Variants in MCC observed in about 807,000 individuals in gnomAD.
MCC encodes MCC regulator of Wnt signaling pathway.
MCC carries 90 observed loss-of-function variants against 116.2 expected under a neutral mutation model. The observed-to-expected ratio is 0.77, with a 90% CI of 0.65 to 0.92. The LOEUF (loss-of-function observed/expected upper bound fraction) is 0.92, where lower values mean the gene tolerates loss of function less well. Among genes scored for constraint, MCC ranks in the 40% least tolerant of loss-of-function variants. The pLI is 0.00. For synonymous variants in MCC, 578 were observed against 510.5 expected, an observed-to-expected ratio of 1.13 and a Z score of -1.78; for missense variants, 1,516 against 1,312.2, an observed-to-expected ratio of 1.16 and a Z score of -2.40.
rs34111159 is a variant in MCC at position 113,456,623 on chromosome 5, ATTTTT to A, written c.170+31617_170+31621del. 2.3e-4 allele frequency among the ~76,000 whole-genome samples: 12 copies of A among 51,074 alleles called. No individual in the cohort carries two copies. In the South Asian group the frequency reaches 4.9e-3, roughly 21 times the overall value. 33.5% of individuals were successfully genotyped at this position (51,074 alleles called of 152,430 possible). Reference sequence around the variant, plus strand: ...AGTCACCCGCCACCATGCCCAGCTAATTTTTTTTTTTTTTTTTTTTTTTTTTTTTA... The same window carrying A: ...AGTCACCCGCCACCATGCCCAGCTAATTTTTTTTTTTTTTTTTTTTTTTTA... On this transcript the variant is annotated intron_variant, in intron 1 of 18. Coordinates refer to ENST00000408903, the MANE Select transcript of MCC (RefSeq NM_001085377.2).
intron 3 of MCC, among the ~76,000 whole-genome samples, chr5:113,217,320 A>G (rs1455131813): frequency 6.6e-6 from 1 of 152,246 alleles, no homozygotes; most frequent in Non-Finnish European, 1.5e-5. Context: ...AGAATTTACC[A>G]TAATTTGTTT....
intron 4 of MCC, among the ~76,000 whole-genome samples, chr5:113,143,753 T>G (rs375112941): frequency 5.3e-4 from 80 of 152,190 alleles, no homozygotes; most frequent in African/African-American, 1.8e-3. Flanking sequence ...TTGCATGGAG[T>G]TGATTCAGAA....
rs529677405 is a variant in MCC, at chr5:113,086,494, C to T, written c.1399-1184G>A. Among the ~76,000 whole-genome samples, 14 of 152,272 alleles carry T rather than the reference C, an allele frequency of 9.2e-5. No homozygotes were observed. The South Asian group carries it at 1.2e-3, about 14-fold the overall frequency. The stretch of plus-strand genomic sequence containing the variant: ...TTTTCCCTGGAATAGTAGGTAGGAA[C>T]GTCTAAATAGTCCTTCTATATAAAA... On this transcript the variant is annotated intron_variant, in intron 8 of 18. Coordinates refer to ENST00000408903, the MANE Select transcript of MCC (RefSeq NM_001085377.2).
intron 3 of MCC, among the ~76,000 whole-genome samples, chr5:113,229,339 G>T (rs916057477): frequency 2.0e-5 from 3 of 152,246 alleles, no homozygotes; most frequent in African/African-American, 4.8e-5. Flanking sequence ...GAAGTATAAG[G>T]TTAAATATCC....
At chr5:113,112,873 C>G (rs1028367252) in intron 6 of MCC, among the ~76,000 whole-genome samples, 3 of 152,184 alleles carry the variant, frequency 2.0e-5, no homozygotes, top group Admixed American at 1.3e-4. Flanking sequence ...ACTTGTTAAT[C>G]CAGTGTCAAA....
At position 113,044,573 on chromosome 5, in the gene MCC, A is replaced by T. The variant is rs115564076; in HGVS notation, c.2656-943T>A. 2.3e-3 allele frequency: 1,603 copies of T among 699,278 alleles called. 20 individuals carry two copies. The African/African-American group carries it at 0.027, about 12-fold the overall frequency. The allele number at this position is 699,278 out of a possible 1,614,324, so 43.3% of individuals were successfully genotyped here. ...TGCAGGAGATGGAATGTAAACAGAT[A>T]TTTTTTTGTTTGTTTTTTGAGATGG... On this transcript the variant is annotated intron_variant, in intron 16 of 18. Coordinates refer to ENST00000408903, the MANE Select transcript of MCC (RefSeq NM_001085377.2).
At chr5:113,392,884 T>A (rs9326887) in intron 1 of MCC, among the ~76,000 whole-genome samples, 67,031 of 151,914 alleles carry the variant, frequency 0.44, 16,232 homozygotes, top group African/African-American at 0.63. Flanking sequence ...TACAAATTGA[T>A]GTGGCATCAC....
chr5:113,361,257 T>TCAAA (rs1768540470), intron 2 of MCC, among the ~76,000 whole-genome samples: 1 of 117,480 alleles, frequency 8.5e-6, no homozygotes, highest in Non-Finnish European at 1.8e-5. Context: ...TCATAAATCT[T>TCAAA]TAAAAAAAAA....
At chr5:113,220,796 G>T (rs1763523949) in intron 3 of MCC, among the ~76,000 whole-genome samples, 2 of 152,186 alleles carry the variant, frequency 1.3e-5, no homozygotes, top group Admixed American at 6.5e-5. Flanking sequence ...TCCCTCTTAA[G>T]ATCTGGAAGC....
chr5:113,088,636 G>A (rs1455657548), intron 8 of MCC, among the ~76,000 whole-genome samples: 1 of 151,982 alleles, frequency 6.6e-6, no homozygotes, highest in Admixed American at 6.6e-5. Context: ...GAAGATGAAA[G>A]CAGAGATTGG....
chr5:113,259,773 C>T (rs73246611), intron 3 of MCC, among the ~76,000 whole-genome samples: 123 of 152,108 alleles, frequency 8.1e-4, no homozygotes, highest in African/African-American at 2.8e-3. Flanking sequence ...TCAAGGTCAT[C>T]GCCAAGATCT....
At chr5:113,152,317 T>A (rs1759931411) in intron 3 of MCC, among the ~76,000 whole-genome samples, 1 of 152,218 alleles carries the variant, frequency 6.6e-6, no homozygotes, top group South Asian at 2.1e-4. Context: ...GATGGAACTA[T>A]TTTTAAGACC....
intron 2 of MCC, among the ~76,000 whole-genome samples, chr5:113,376,392 A>G (rs1029398408): frequency 6.6e-6 from 1 of 152,232 alleles, no homozygotes; most frequent in African/African-American, 2.4e-5. Context: ...TGAGTAGAGA[A>G]GATGGATATA....
intron 3 of MCC, among the ~76,000 whole-genome samples, chr5:113,313,512 G>A (rs1272971425): frequency 6.6e-6 from 1 of 152,106 alleles, no homozygotes; most frequent in Non-Finnish European, 1.5e-5. Flanking sequence ...TGGGGAGGAA[G>A]GAGGGTTGGA....
intron 8 of MCC, among the ~76,000 whole-genome samples, chr5:113,087,596 T>G (rs574741553): frequency 6.6e-6 from 1 of 152,272 alleles, no homozygotes; most frequent in South Asian, 2.1e-4. Flanking sequence ...CGGTGGAGAC[T>G]TGCAACCTCC....
At chr5:113,295,270 C>G (rs1278696894) in intron 3 of MCC, among the ~76,000 whole-genome samples, 1 of 152,098 alleles carries the variant, frequency 6.6e-6, no homozygotes, top group East Asian at 1.9e-4. Flanking sequence ...CACTGTACAT[C>G]AGACAGCACG....
chr5:113,186,985 GGCAGAAATCCTACTTTA>G (rs1172274416), intron 3 of MCC, among the ~76,000 whole-genome samples: 10 of 152,102 alleles, frequency 6.6e-5, no homozygotes, highest in African/African-American at 1.2e-4. Context: ...ATAATTATCT[GGCAGAAATCCTACTTTA>G]GCAGAAATCC....
intron 6 of MCC, among the ~76,000 whole-genome samples, chr5:113,115,323 C>T (rs1020588994): frequency 1.6e-4 from 25 of 152,296 alleles, no homozygotes; most frequent in African/African-American, 2.4e-4. Context: ...AAGCGAAAGA[C>T]GCCACCCCAC....
chr5:113,276,343 T>C (rs1765824361), intron 3 of MCC, among the ~76,000 whole-genome samples: 1 of 152,226 alleles, frequency 6.6e-6, no homozygotes, highest in African/African-American at 2.4e-5. Context: ...TTATAGTCTT[T>C]GGATTATTTT....
Sources: allele counts gnomAD v4.1 joint callset (sites outside exome capture counted in the v4.1 genomes callset), GRCh38; gene constraint gnomAD v4.1.1; transcripts MANE v1.5; gene names NCBI Gene and HGNC (gene_info 2026-07-23, HGNC 2026-07-21).